The following TENM3 variants were observed in gnomAD, a reference collection of about 807,000 sequenced individuals.
TENM3 encodes teneurin transmembrane protein 3, also known as teneurin-3.
A neutral mutation model predicts 255.1 loss-of-function variants in TENM3; 63 were observed. That is an observed-to-expected ratio of 0.25 (90% CI 0.20 to 0.30). TENM3 has a LOEUF of 0.30. TENM3 is among the 10% of genes least tolerant of loss of function. The pLI, the probability that TENM3 is intolerant of heterozygous loss-of-function variation, is 1.00. For missense variants in TENM3, 2,929 were observed against 3,461.1 expected (o/e 0.85, Z 3.86); for synonymous variants, 1,306 against 1,322.3 (o/e 0.99, Z 0.27).
the TENM3 span, among the ~76,000 whole-genome samples, chr4:181,574,797 C>G: frequency 6.6e-6 from 1 of 152,010 alleles, no homozygotes; most frequent in East Asian, 1.9e-4. Context: ...AGGTTGAGAT[C>G]TTCATTTTAC....
chr4:182,020,997 G>A, the TENM3 span, among the ~76,000 whole-genome samples: 1 of 151,720 alleles, frequency 6.6e-6, no homozygotes, highest in Non-Finnish European at 1.5e-5. Flanking sequence ...TGTTACATGG[G>A]TATATTGTGC....
chr4:182,538,181 AC>A (rs1289404434), intron 3 of TENM3, among the ~76,000 whole-genome samples: 1 of 152,200 alleles, frequency 6.6e-6, no homozygotes, highest in Non-Finnish European at 1.5e-5. Context: ...CCAAAGGTGT[AC>A]CCAGGAAGAG....
chr4:181,838,889 A>C, the TENM3 span, among the ~76,000 whole-genome samples: 1 of 150,772 alleles, frequency 6.6e-6, no homozygotes, highest in East Asian at 2.0e-4. Flanking sequence ...TCTGCTCTTT[A>C]TTGTCTGTGT....
rs1370320957 is a variant in TENM3, at chr4:182,734,573, TGAA to T, written c.2968-2229_2968-2227del. Reference sequence around the variant, plus strand: ...CTCGCAATCACAATGGTAGTGGAAATGAAGAAGAGGGAACACATTAGACAGGGA... The same window carrying T: ...CTCGCAATCACAATGGTAGTGGAAATGAAGAGGGAACACATTAGACAGGGA... On this transcript the variant is annotated intron_variant, in intron 16 of 27. Coordinates refer to ENST00000511685, the MANE Select transcript of TENM3 (RefSeq NM_001080477.4). 2.0e-5 allele frequency among the ~76,000 whole-genome samples: 3 copies of T among 152,172 alleles called. No individual in the cohort carries two copies. In the East Asian group the frequency reaches 5.8e-4, roughly 29 times the overall value.
the TENM3 span, among the ~76,000 whole-genome samples, chr4:182,035,570 T>C: frequency 1.3e-5 from 2 of 152,180 alleles, no homozygotes; most frequent in Non-Finnish European, 2.9e-5. Context: ...CATATGACAT[T>C]ATCTATTGGC....
At chr4:182,352,840 A>G (rs1765271877) in intron 3 of TENM3, among the ~76,000 whole-genome samples, 1 of 152,066 alleles carries the variant, frequency 6.6e-6, no homozygotes, top group South Asian at 2.1e-4. Context: ...TCAATCTCTA[A>G]AGAGAGAACT....
chr4:182,329,733 G>A lies in TENM3; in HGVS notation c.232+5481G>A, dbSNP rs182860171. 4.3e-3 allele frequency among the ~76,000 whole-genome samples: 649 copies of A among 152,188 alleles called. 4 individuals are homozygous for A. The highest frequency in any genetic ancestry group is 7.5e-3 in the Non-Finnish European group (512 of 68,028). On this transcript the variant is annotated intron_variant, in intron 2 of 27. Coordinates refer to ENST00000511685, the MANE Select transcript of TENM3 (RefSeq NM_001080477.4). ...AACAAACAATGGCCACCAAATGCTG[G>A]AGAAAAAATTAAAATCATAATTTAC...
chr4:182,444,975 T>C (rs1386976500), intron 3 of TENM3, among the ~76,000 whole-genome samples: 1 of 152,032 alleles, frequency 6.6e-6, no homozygotes, highest in Non-Finnish European at 1.5e-5. Flanking sequence ...ACCCGGCTAA[T>C]TTTTTGTATT....
intron 5 of TENM3, among the ~76,000 whole-genome samples, chr4:182,643,071 A>G (rs1268566118): frequency 6.6e-6 from 1 of 152,218 alleles, no homozygotes. Context: ...TAGGGGTCCA[A>G]GTTACAAACT....
the TENM3 span, among the ~76,000 whole-genome samples, chr4:182,091,169 C>T: frequency 2.0e-4 from 30 of 152,268 alleles, no homozygotes; most frequent in African/African-American, 6.7e-4. Flanking sequence ...GGCAAGAGTC[C>T]GCCCTTAGAG....
chr4:182,412,903 G>T (rs1284296279), intron 3 of TENM3, among the ~76,000 whole-genome samples: 1 of 150,970 alleles, frequency 6.6e-6, no homozygotes, highest in Non-Finnish European at 1.5e-5. Context: ...GAAAACAAAT[G>T]AAACAAATAC....
chr4:182,598,852 G>A (rs1747542464), intron 3 of TENM3, among the ~76,000 whole-genome samples: 1 of 152,202 alleles, frequency 6.6e-6, no homozygotes, highest in African/African-American at 2.4e-5. Flanking sequence ...CTATCATGAT[G>A]TCTGACAGAA....
chr4:182,286,541 C>T (rs566031335), intron 1 of TENM3, among the ~76,000 whole-genome samples: 1 of 152,312 alleles, frequency 6.6e-6, no homozygotes, highest in African/African-American at 2.4e-5. Flanking sequence ...CTACCCTCCC[C>T]AGCCCTTTCT....
At chr4:181,936,525 C>T in the TENM3 span, among the ~76,000 whole-genome samples, 5 of 152,168 alleles carry the variant, frequency 3.3e-5, no homozygotes, top group Non-Finnish European at 7.3e-5. Flanking sequence ...CCATTTCTTT[C>T]TATTCATCAT....
chr4:181,800,237 A>G, the TENM3 span, among the ~76,000 whole-genome samples: 1 of 152,204 alleles, frequency 6.6e-6, no homozygotes, highest in Non-Finnish European at 1.5e-5. Context: ...AGACTGAACC[A>G]TGGTCACCAG....
the TENM3 span, among the ~76,000 whole-genome samples, chr4:181,764,759 C>T: frequency 2.6e-5 from 4 of 152,146 alleles, no homozygotes; most frequent in Admixed American, 1.3e-4. Flanking sequence ...AGTACAGTCT[C>T]GGCTCACTGC....
the TENM3 span, among the ~76,000 whole-genome samples, chr4:181,630,434 G>T: frequency 6.6e-6 from 1 of 152,068 alleles, no homozygotes; most frequent in South Asian, 2.1e-4. Flanking sequence ...TGATGTTAGG[G>T]TGTCGATTTT....
chr4:182,159,118 T>G (rs1445412241), intron 1 of TENM3, among the ~76,000 whole-genome samples: 3 of 152,196 alleles, frequency 2.0e-5, no homozygotes, highest in Non-Finnish European at 2.9e-5. Flanking sequence ...GCTGGTGGTG[T>G]TGCTGTTGCC....
intron 1 of TENM3, among the ~76,000 whole-genome samples, chr4:182,305,072 G>C (rs986743086): frequency 6.6e-6 from 1 of 152,028 alleles, no homozygotes; most frequent in Non-Finnish European, 1.5e-5. Flanking sequence ...GAGCTTTGCT[G>C]CTTGTGAACG....
Sources: gnomAD v4.1 joint callset for allele counts (sites outside exome capture counted in the v4.1 genomes callset) on GRCh38, gnomAD v4.1.1 for gene constraint, MANE v1.5 for transcripts, NCBI Gene and HGNC (gene_info 2026-07-23, HGNC 2026-07-21) for gene names.